The following WDR41 variants were observed in gnomAD, a reference collection of about 807,000 sequenced individuals.
WDR41 encodes WD repeat domain 41.
In WDR41, 63 loss-of-function variants were observed where a neutral mutation model predicts 69.3. That is an observed-to-expected ratio of 0.91 (90% CI 0.74 to 1.12). The LOEUF (loss-of-function observed/expected upper bound fraction) is 1.12, where lower values mean the gene tolerates loss of function less well. Ranked by LOEUF, WDR41 falls within the 50% of genes most tolerant of loss-of-function variation. The pLI is 0.00. For synonymous variants in WDR41, 185 were observed against 192.1 expected (o/e 0.96, Z 0.31); for missense variants, 543 against 534.5 (o/e 1.02, Z -0.16).
intron 1 of WDR41, among the ~76,000 whole-genome samples, chr5:77,514,687 T>C (rs115510343): frequency 1.6e-3 from 246 of 152,280 alleles, no homozygotes; most frequent in African/African-American, 5.3e-3. Flanking sequence ...CATTGTGCCA[T>C]TGTAGAGGGT....
chr5:77,440,883 G>A lies in WDR41; in HGVS notation c.812C>T (p.Thr271Ile). ...NFWDPSPQLD[T>I]QQEIKLCQKS... ...TTGACAGAGTTTTATTTCTTGTTGG[G>A]TGTCCAGTTGTGGAGATGGGTCCCA... Residue 271 changes from threonine (T) to isoleucine (I), a missense_variant, in exon 9 of 13, where the codon ACC (threonine) becomes ATC (isoleucine). Thr to Ile is a moderately conservative substitution (Grantham distance 89). Transcript: ENST00000296679. 4 of 1,614,106 alleles carry A rather than the reference G, an allele frequency of 2.5e-6. No individual in the cohort carries two copies. Among genetic ancestry groups the A allele is most frequent in the Non-Finnish European group, 3.4e-6 (4 of 1,180,026 alleles).
Position 77,431,965 on chromosome 5 carries a change from G to A in WDR41, c.*1170C>T, listed in dbSNP as rs1798741135. ...ACAGATTTAATTGCAAGGCCTTACT[G>A]CACTGGGCCTCAGTTTCCTCATTTG... On this transcript the variant is annotated 3_prime_UTR_variant, in exon 13 of 13. Coordinates refer to ENST00000296679, the MANE Select transcript of WDR41 (RefSeq NM_018268.4). 3 of 152,312 alleles carry A rather than the reference G, an allele frequency of 2.0e-5. No homozygotes were observed. Among genetic ancestry groups the A allele is most frequent in the South Asian group, 4.1e-4 (2 of 4,824 alleles). The allele number at this position is 152,312 out of a possible 1,614,324, so 9.4% of individuals were successfully genotyped here.
intron 1 of WDR41, among the ~76,000 whole-genome samples, chr5:77,516,276 A>T (rs1802290908): frequency 6.6e-6 from 1 of 152,194 alleles, no homozygotes; most frequent in African/African-American, 2.4e-5. Context: ...ATTTCTATAA[A>T]CTGTGTATAA....
chr5:77,485,044 C>G (rs1264260822), intron 2 of WDR41, among the ~76,000 whole-genome samples: 1 of 152,230 alleles, frequency 6.6e-6, no homozygotes, highest in African/African-American at 2.4e-5. Context: ...TAAAAAGCAG[C>G]CTTTCCTCCA....
intron 1 of WDR41, among the ~76,000 whole-genome samples, chr5:77,619,747 G>GT (rs1027234865): frequency 6.6e-5 from 10 of 151,190 alleles, no homozygotes; most frequent in African/African-American, 2.4e-4. Flanking sequence ...GGTGTTTTTT[G>GT]TTTTTTTGTT....
chr5:77,598,656 G>T (rs4235703), intron 1 of WDR41, among the ~76,000 whole-genome samples: 66,441 of 112,728 alleles, frequency 0.59, 16,992 homozygotes, highest in African/African-American at 0.69. Flanking sequence ...TTTTTTTTTT[G>T]TTTTTTTTGT....
chr5:77,582,300 A>G (rs1456430578), intron 1 of WDR41: 10 of 1,371,704 alleles, frequency 7.3e-6, no homozygotes, highest in Non-Finnish European at 1.0e-5. Flanking sequence ...GAAAGTAGAC[A>G]ATATGCATAG....
intron 1 of WDR41, among the ~76,000 whole-genome samples, chr5:77,615,123 G>T (rs1255309646): frequency 6.6e-6 from 1 of 152,146 alleles, no homozygotes; most frequent in Non-Finnish European, 1.5e-5. Flanking sequence ...ACTGGATTAT[G>T]ATGATAGTTG....
chr5:77,488,115 A>T (rs79174359), intron 2 of WDR41, among the ~76,000 whole-genome samples: 93 of 152,288 alleles, frequency 6.1e-4, no homozygotes, highest in Non-Finnish European at 9.7e-4. Context: ...GACCTGAGGG[A>T]ACAGCAGGAA....
intron 1 of WDR41, among the ~76,000 whole-genome samples, chr5:77,574,034 A>T (rs899916090): frequency 1.2e-4 from 19 of 152,194 alleles, no homozygotes; most frequent in African/African-American, 4.3e-4. Flanking sequence ...GCAATGATTC[A>T]CGCCTGTAAT....
Position 77,455,877 on chromosome 5 carries a change from G to C in WDR41, c.412-1949C>G, listed in dbSNP as rs76899564. On this transcript the variant is annotated intron_variant, in intron 5 of 12. Coordinates refer to ENST00000296679, the MANE Select transcript of WDR41 (RefSeq NM_018268.4). ...TCATATTAAGTTTTGAAATTGGGAA[G>C]TGTGTCTTGGAACTTTGTTTTTCCA... Among the ~76,000 whole-genome samples the C allele has an allele frequency of 2.0e-5, 3 of 151,980 alleles. No homozygotes were observed. The South Asian group carries it at 6.2e-4, about 31-fold the overall frequency.
At chr5:77,531,662 C>T (rs1802530861) in intron 1 of WDR41, among the ~76,000 whole-genome samples, 1 of 151,938 alleles carries the variant, frequency 6.6e-6, no homozygotes, top group Non-Finnish European at 1.5e-5. Flanking sequence ...AAAACAGGTA[C>T]TCATACGAAT....
At chr5:77,483,554 TTTC>T (rs1801383084) in intron 2 of WDR41, among the ~76,000 whole-genome samples, 1 of 151,896 alleles carries the variant, frequency 6.6e-6, no homozygotes, top group African/African-American at 2.4e-5. Context: ...TATACTTCTT[TTTC>T]GCTCATTAAC....
At chr5:77,608,618 G>C (rs1744475030) in intron 1 of WDR41, among the ~76,000 whole-genome samples, 1 of 152,194 alleles carries the variant, frequency 6.6e-6, no homozygotes, top group Admixed American at 6.5e-5. Flanking sequence ...AGTTTTATTG[G>C]ATGGTGCTCT....
chr5:77,602,394 C>A (rs1744339374), intron 1 of WDR41, among the ~76,000 whole-genome samples: 1 of 152,164 alleles, frequency 6.6e-6, no homozygotes, highest in East Asian at 1.9e-4. Context: ...CCTGCCTCGG[C>A]CTCCCAAAGG....
chr5:77,594,271 G>C (rs4585425), intron 1 of WDR41, among the ~76,000 whole-genome samples: 1,716 of 124,748 alleles, frequency 0.014, 38 homozygotes, highest in African/African-American at 0.05. Flanking sequence ...GTTGTGGGGT[G>C]GGGGGAGGGG....
intron 1 of WDR41, among the ~76,000 whole-genome samples, chr5:77,512,377 T>C (rs547968106): frequency 8.1e-4 from 111 of 137,878 alleles, no homozygotes; most frequent in Non-Finnish European, 1.5e-3. Flanking sequence ...TGTGTGTGTG[T>C]GTGTGTGTGT....
intron 2 of WDR41, among the ~76,000 whole-genome samples, chr5:77,483,482 G>A (rs1190466841): frequency 1.3e-3 from 1 of 778 alleles, no homozygotes; most frequent in Non-Finnish European, 1.7e-3. Flanking sequence ...CTGAATACTC[G>A]TGTGTGTGTG....
At chr5:77,556,252 A>T (rs1406308890) in intron 1 of WDR41, among the ~76,000 whole-genome samples, 1 of 151,916 alleles carries the variant, frequency 6.6e-6, no homozygotes, top group Non-Finnish European at 1.5e-5. Context: ...TTATAGGCCC[A>T]TGCCACCACG....
Sources: allele counts gnomAD v4.1 joint callset (sites outside exome capture counted in the v4.1 genomes callset), GRCh38; gene constraint gnomAD v4.1.1; transcripts MANE v1.5; gene names NCBI Gene and HGNC (gene_info 2026-07-23, HGNC 2026-07-21).